RELN: variants seen among roughly 807,000 people sequenced by gnomAD.
RELN encodes the protein reelin.
RELN carries 108 observed loss-of-function variants against 427.6 expected under a neutral mutation model. The ratio of observed to expected loss-of-function variants is 0.25; its 90% confidence interval spans 0.22 to 0.30. The LOEUF is 0.30. Ranked by LOEUF, RELN falls within the 10% of genes least tolerant of loss-of-function variation. RELN has a pLI of 1.00. For missense variants in RELN, 3,715 were observed against 4,302.8 expected, an observed-to-expected ratio of 0.86 and a Z score of 3.82; for synonymous variants, 1,524 against 1,513.4, an observed-to-expected ratio of 1.01 and a Z score of -0.16.
chr7:103,745,263 T>G (rs1322685912), intron 6 of RELN, among the ~76,000 whole-genome samples: 2 of 151,954 alleles, frequency 1.3e-5, no homozygotes, highest in African/African-American at 4.8e-5. Flanking sequence ...ATGGGATGTA[T>G]CTCAAAATAA....
intron 1 of RELN, among the ~76,000 whole-genome samples, chr7:103,983,863 C>CTCTG (rs1293300854): frequency 4.8e-4 from 72 of 148,542 alleles, no homozygotes; most frequent in African/African-American, 1.6e-3. Flanking sequence ...CTTCATATTT[C>CTCTG]TGTGTGTGTG....
chr7:103,893,622 T>C (rs1249379342), intron 2 of RELN, among the ~76,000 whole-genome samples: 2 of 152,140 alleles, frequency 1.3e-5, no homozygotes, highest in African/African-American at 2.4e-5. Context: ...GCAACCACAG[T>C]GTTGGAGAGA....
rs563642203 is a variant in RELN at position 103,867,820 on chromosome 7, T to A, written c.338-34148A>T. On this transcript the variant is annotated intron_variant, in intron 2 of 64. Coordinates refer to ENST00000428762, the MANE Select transcript of RELN (RefSeq NM_005045.4). ...ACAGAATAGTAAGAGAGAAAAAAAA[T>A]GACCGATTTTTTTTCTGTGATAAAA... 1.4e-3 allele frequency among the ~76,000 whole-genome samples: 212 copies of A among 152,076 alleles called. 1 individual carries two copies. Among genetic ancestry groups the A allele is most frequent in the African/African-American group, 4.9e-3 (203 of 41,496 alleles).
chr7:103,595,758 A>G (rs891766376), intron 25 of RELN, among the ~76,000 whole-genome samples: 2 of 152,084 alleles, frequency 1.3e-5, no homozygotes, highest in Non-Finnish European at 2.9e-5. Flanking sequence ...AAATAATATC[A>G]TTGAATAGAC....
intron 10 of RELN, among the ~76,000 whole-genome samples, chr7:103,694,683 G>T (rs1438368609): frequency 6.6e-6 from 1 of 151,988 alleles, no homozygotes; most frequent in Non-Finnish European, 1.5e-5. Context: ...TGTACTCTTT[G>T]AGATAATCAA....
intron 8 of RELN, among the ~76,000 whole-genome samples, chr7:103,719,278 T>C (rs190300322): frequency 2.0e-3 from 302 of 152,250 alleles, no homozygotes; most frequent in Non-Finnish European, 3.0e-3. Context: ...ATGTCTTGCC[T>C]GTATTCACTC....
chr7:103,562,812 G>A (rs1830671086), intron 34 of RELN, among the ~76,000 whole-genome samples: 1 of 152,148 alleles, frequency 6.6e-6, no homozygotes, highest in Admixed American at 6.5e-5. Flanking sequence ...CCCTTCAGTG[G>A]TTCCCCAACA....
chr7:103,711,052 T>A (rs545086964), intron 8 of RELN, among the ~76,000 whole-genome samples: 47 of 151,634 alleles, frequency 3.1e-4, no homozygotes, highest in Non-Finnish European at 4.6e-4. Context: ...CAAAAAAAAA[T>A]TTTTTTAAAT....
At chr7:103,587,680 C>A (rs1831308882) in intron 28 of RELN, among the ~76,000 whole-genome samples, 1 of 151,808 alleles carries the variant, frequency 6.6e-6, no homozygotes, top group Non-Finnish European at 1.5e-5. Context: ...CAAACAACAG[C>A]AACAGAAATA....
intron 3 of RELN, among the ~76,000 whole-genome samples, chr7:103,788,390 C>T (rs1198434847): frequency 6.6e-6 from 1 of 152,014 alleles, no homozygotes; most frequent in Non-Finnish European, 1.5e-5. Context: ...GAAAAGAGGA[C>T]ATCAAATTGT....
At chr7:103,712,502 T>TC (rs1406633501) in intron 8 of RELN, among the ~76,000 whole-genome samples, 2 of 152,232 alleles carry the variant, frequency 1.3e-5, no homozygotes, top group African/African-American at 4.8e-5. Context: ...TCAAATAACT[T>TC]AATTAACTTA....
chr7:103,741,592 G>A (rs1790658560), intron 6 of RELN, among the ~76,000 whole-genome samples: 2 of 151,844 alleles, frequency 1.3e-5, no homozygotes, highest in Admixed American at 6.6e-5. Flanking sequence ...AGGGTGAGGG[G>A]AAGTAAAAGT....
At position 103,953,303 on chromosome 7, in the gene RELN, G is replaced by C. The variant is rs1044807712; in HGVS notation, c.226+35828C>G. Among the ~76,000 whole-genome samples the C allele has an allele frequency of 2.0e-5, 3 of 152,150 alleles. No individual in the cohort carries two copies. Among genetic ancestry groups the C allele is most frequent in the African/African-American group, 7.2e-5 (3 of 41,436 alleles). ...GAAACTCACAATAACAAGTGGAAGG[G>C]TTATTGTTTTATCATTTGGTTTCGG... On this transcript the variant is annotated intron_variant, in intron 1 of 64. Transcript: ENST00000428762. This position sits in a 1 kb window ranked among gnomAD's most constrained non-coding sequence, Gnocchi z 4.3.
intron 10 of RELN, among the ~76,000 whole-genome samples, chr7:103,692,714 C>A (rs896656853): frequency 1.3e-5 from 2 of 151,966 alleles, no homozygotes; most frequent in Admixed American, 1.3e-4. Context: ...TAGTTTCATG[C>A]AAAGAGGGCA....
chr7:103,475,925 AT>A (rs1172427622), intron 64 of RELN, among the ~76,000 whole-genome samples: 1 of 151,936 alleles, frequency 6.6e-6, no homozygotes, highest in African/African-American at 2.4e-5. Flanking sequence ...TATATTTCTA[AT>A]TTTTTTGGTA....
At chr7:103,652,782 A>G in intron 13 of RELN, 23 bp from the exon 14 acceptor site, 1 of 1,603,338 alleles carries the variant, frequency 6.2e-7, no homozygotes, top group Non-Finnish European at 8.5e-7. Flanking sequence ...GGAGACCAGA[A>G]TCACTCAAAA....
At chr7:103,511,066 T>A in intron 50 of RELN, 61 bp from the exon 51 acceptor site, 1 of 1,268,836 alleles carries the variant, frequency 7.9e-7, no homozygotes, top group Middle Eastern at 1.9e-4. Flanking sequence ...GAAGCAAATT[T>A]TCACTTTAAG....
At chr7:103,497,597 A>C (rs1358031473) in intron 55 of RELN, among the ~76,000 whole-genome samples, 1 of 152,218 alleles carries the variant, frequency 6.6e-6, no homozygotes, top group Non-Finnish European at 1.5e-5. Flanking sequence ...TTATTCATAA[A>C]GTTTGGACTT....
At chr7:103,585,840 A>G (rs563712292) in intron 28 of RELN, among the ~76,000 whole-genome samples, 5 of 152,330 alleles carry the variant, frequency 3.3e-5, no homozygotes, top group South Asian at 2.1e-4. Context: ...ACAACAGCAC[A>G]TCGAAAAGAT....
Sources: allele counts gnomAD v4.1 joint callset (sites outside exome capture counted in the v4.1 genomes callset), GRCh38; gene constraint gnomAD v4.1.1; non-coding constraint Gnocchi (gnomAD v3.1); transcripts MANE v1.5; gene names NCBI Gene and HGNC (gene_info 2026-07-23, HGNC 2026-07-21).